The following SPIDR variants were observed in gnomAD, a reference collection of about 807,000 sequenced individuals.
SPIDR encodes the protein scaffold protein involved in DNA repair.
In SPIDR, 93 loss-of-function variants were observed where a neutral mutation model predicts 104.6. The observed-to-expected ratio is 0.89, with a 90% confidence interval of 0.75 to 1.06. SPIDR has a LOEUF of 1.06. Among genes scored for constraint, SPIDR ranks in the 50% least tolerant of loss-of-function variants. The pLI, the probability that SPIDR is intolerant of heterozygous loss-of-function variation, is 0.00. For missense variants in SPIDR, 1,154 were observed against 1,111.2 expected (o/e 1.04, Z -0.55); for synonymous variants, 431 against 416.9 (o/e 1.03, Z -0.41).
chr8:47,299,913 T>C (rs1388241022), intron 5 of SPIDR, among the ~76,000 whole-genome samples: 3 of 152,180 alleles, frequency 2.0e-5, no homozygotes, highest in Non-Finnish European at 4.4e-5. Context: ...TAAAATTCTC[T>C]TTTTTGGTTG....
In SPIDR at chr8:47,735,895, C is replaced by T. The variant is rs2086199013; in HGVS notation, c.*445C>T. On this transcript the variant is annotated 3_prime_UTR_variant, in exon 20 of 20. Transcript: ENST00000297423. ...ATACTGTGATATTACTGTTCTGCTA[C>T]AATAAATGTCAAACCTAAGCACTTT... 4 of 265,512 alleles carry T rather than the reference C, an allele frequency of 1.5e-5. No homozygotes were observed. The highest frequency in any genetic ancestry group is 2.9e-5 in the Non-Finnish European group (4 of 135,918). 16.4% of individuals were successfully genotyped at this position (265,512 alleles called of 1,614,324 possible).
rs939114396 is a variant in SPIDR at position 47,501,116 on chromosome 8, G to C, written c.1097+60574G>C. On this transcript the variant is annotated intron_variant, in intron 8 of 19. Coordinates refer to ENST00000297423, the MANE Select transcript of SPIDR (RefSeq NM_001080394.4). ...TGTTCTTTTGGCTTAGGATTGACTT[G>C]GGGATCCGGACTCTTTTTTGGTTCC... Among the ~76,000 whole-genome samples, 14 of 152,270 alleles carry C rather than the reference G, an allele frequency of 9.2e-5. 1 individual carries two copies. The highest frequency in any genetic ancestry group is 7.8e-4 in the Admixed American group (12 of 15,298).
intron 6 of SPIDR, among the ~76,000 whole-genome samples, chr8:47,402,465 TAAAG>T (rs1324012709): frequency 6.6e-6 from 1 of 151,788 alleles, no homozygotes; most frequent in African/African-American, 2.4e-5. Flanking sequence ...GCAGGACTAA[TAAAG>T]AAGAAAAGAG....
intron 11 of SPIDR, among the ~76,000 whole-genome samples, chr8:47,697,445 A>G (rs1010030726): frequency 2.0e-5 from 3 of 152,206 alleles, no homozygotes; most frequent in Non-Finnish European, 4.4e-5. Flanking sequence ...ATAGATCTTG[A>G]TATCTTTCCA....
intron 8 of SPIDR, among the ~76,000 whole-genome samples, chr8:47,446,222 T>C (rs1290314142): frequency 6.6e-6 from 1 of 152,330 alleles, no homozygotes; most frequent in Non-Finnish European, 1.5e-5. Context: ...TGACTTTAAA[T>C]TGAATCCAGT....
At chr8:47,562,996 G>A (rs1223375314) in intron 8 of SPIDR, among the ~76,000 whole-genome samples, 1 of 150,322 alleles carries the variant, frequency 6.7e-6, no homozygotes, top group Non-Finnish European at 1.5e-5. Context: ...CCAGTATTTA[G>A]AATCACTGGG....
intron 8 of SPIDR, among the ~76,000 whole-genome samples, chr8:47,521,892 G>A (rs556775690): frequency 1.4e-4 from 21 of 152,022 alleles, no homozygotes; most frequent in African/African-American, 5.1e-4. Context: ...GGCCAGGCAC[G>A]ATGGCTTATG....
intron 8 of SPIDR, among the ~76,000 whole-genome samples, chr8:47,502,116 T>A (rs2080578988): frequency 6.6e-6 from 1 of 152,184 alleles, no homozygotes; most frequent in African/African-American, 2.4e-5. Flanking sequence ...TTTTGTTGTG[T>A]CTCTGCCAGG....
intron 8 of SPIDR, among the ~76,000 whole-genome samples, chr8:47,515,768 T>TC (rs903086930): frequency 2.5e-4 from 38 of 152,358 alleles, no homozygotes; most frequent in African/African-American, 7.5e-4. Context: ...GAAATACATT[T>TC]CCTCTGTAAG....
intron 5 of SPIDR, among the ~76,000 whole-genome samples, chr8:47,389,408 G>C (rs935068317): frequency 6.6e-6 from 1 of 152,048 alleles, no homozygotes; most frequent in African/African-American, 2.4e-5. Context: ...AAAAGTTTCC[G>C]GCCGGGCACG....
intron 7 of SPIDR, among the ~76,000 whole-genome samples, chr8:47,439,262 G>A (rs1170261255): frequency 6.6e-6 from 1 of 152,124 alleles, no homozygotes; most frequent in Non-Finnish European, 1.5e-5. Context: ...CTTAGAGACA[G>A]TGGCTTTCAT....
chr8:47,459,035 G>T (rs954460261), intron 8 of SPIDR, among the ~76,000 whole-genome samples: 5 of 152,096 alleles, frequency 3.3e-5, no homozygotes, highest in Non-Finnish European at 7.4e-5. Flanking sequence ...GTTGGATGCG[G>T]TTAGCTAGTA....
intron 5 of SPIDR, among the ~76,000 whole-genome samples, chr8:47,329,457 C>A (rs1201516056): frequency 6.6e-6 from 1 of 152,126 alleles, no homozygotes; most frequent in Admixed American, 6.6e-5. Context: ...GTCTGTCCAC[C>A]TTGGCCTCGC....
At chr8:47,359,912 A>G (rs2055396038) in intron 5 of SPIDR, among the ~76,000 whole-genome samples, 1 of 152,180 alleles carries the variant, frequency 6.6e-6, no homozygotes, top group Non-Finnish European at 1.5e-5. Flanking sequence ...AAGTGTTTGA[A>G]AGAGCCTGGA....
chr8:47,303,561 C>T (rs1156567680), intron 5 of SPIDR, among the ~76,000 whole-genome samples: 7 of 152,198 alleles, frequency 4.6e-5, no homozygotes, highest in Non-Finnish European at 8.8e-5. Flanking sequence ...TAGACTGGAG[C>T]TGTTCCTGTT....
chr8:47,603,380 A>G (rs1475394708), intron 10 of SPIDR, among the ~76,000 whole-genome samples: 1 of 151,926 alleles, frequency 6.6e-6, no homozygotes, highest in Non-Finnish European at 1.5e-5. Flanking sequence ...TATTTAACCT[A>G]GGGACCAGTA....
intron 5 of SPIDR, among the ~76,000 whole-genome samples, chr8:47,338,103 C>A (rs576259515): frequency 2.0e-5 from 3 of 152,048 alleles, no homozygotes; most frequent in Non-Finnish European, 4.4e-5. Flanking sequence ...GTAAGCTTTT[C>A]CATTTCTGTA....
intron 2 of SPIDR, among the ~76,000 whole-genome samples, chr8:47,281,434 C>T (rs1301380920): frequency 1.3e-5 from 2 of 152,204 alleles, no homozygotes; most frequent in Non-Finnish European, 2.9e-5. Context: ...CAAAATTGGA[C>T]TCAATCCTTC....
chr8:47,650,878 G>T (rs2071491690), intron 10 of SPIDR, among the ~76,000 whole-genome samples: 2 of 152,148 alleles, frequency 1.3e-5, no homozygotes, highest in Admixed American at 6.5e-5. Flanking sequence ...AATCATTGGT[G>T]ATGGGAAAAC....
Sources: allele counts gnomAD v4.1 joint callset (sites outside exome capture counted in the v4.1 genomes callset), GRCh38; gene constraint gnomAD v4.1.1; transcripts MANE v1.5; gene names NCBI Gene and HGNC (gene_info 2026-07-23, HGNC 2026-07-21).